PRR16: variants seen among roughly 807,000 people sequenced by gnomAD.
PRR16 encodes the protein proline rich 16, also known as protein Largen.
A neutral mutation model predicts 18.2 loss-of-function variants in PRR16; 6 were observed. That is an observed-to-expected ratio of 0.33 (90% CI 0.18 to 0.65). PRR16 has a LOEUF of 0.65. Among genes scored for constraint, PRR16 ranks in the 30% least tolerant of loss-of-function variants. The pLI is 0.74. For synonymous variants in PRR16, 151 were observed against 147.8 expected, an observed-to-expected ratio of 1.02 and a Z score of -0.16; for missense variants, 412 against 376.6, an observed-to-expected ratio of 1.09 and a Z score of -0.78.
At chr5:120,688,018 C>G (rs116330123), downstream of PRR16, among the ~76,000 whole-genome samples, 937 of 152,222 alleles carry the variant, frequency 6.2e-3, 20 homozygotes, top group African/African-American at 0.022. Flanking sequence ...AGGGAGTCAT[C>G]TTTTGTGGAA....
the PRR16 span, among the ~76,000 whole-genome samples, chr5:120,692,932 A>C: frequency 1.3e-5 from 2 of 152,342 alleles, no homozygotes; most frequent in East Asian, 3.9e-4. Flanking sequence ...AGAATTGCAT[A>C]CTAAATTTTC....
chr5:120,655,907 A>G (rs1211181798), intron 1 of PRR16, among the ~76,000 whole-genome samples: 2 of 151,872 alleles, frequency 1.3e-5, no homozygotes, highest in African/African-American at 2.4e-5. Context: ...ATGATAAGAC[A>G]GGTTCCAGCC....
At chr5:120,620,805 A>C (rs988287446) in intron 1 of PRR16, among the ~76,000 whole-genome samples, 1 of 152,016 alleles carries the variant, frequency 6.6e-6, no homozygotes, top group African/African-American at 2.4e-5. Context: ...CTTTTTGCTG[A>C]TCTCATCCAG....
the PRR16 span, among the ~76,000 whole-genome samples, chr5:120,702,045 A>G: frequency 6.6e-6 from 1 of 152,012 alleles, no homozygotes; most frequent in Non-Finnish European, 1.5e-5. Flanking sequence ...GGAGTAGAAG[A>G]AGGAATGGAG....
chr5:120,583,283 G>A (rs1463670407), intron 1 of PRR16, among the ~76,000 whole-genome samples: 1 of 151,720 alleles, frequency 6.6e-6, no homozygotes, highest in African/African-American at 2.4e-5. Flanking sequence ...AGGATTTTCA[G>A]TGTCACATTT....
chr5:120,750,623 C>T, the PRR16 span, among the ~76,000 whole-genome samples: 91 of 151,796 alleles, frequency 6.0e-4, no homozygotes, highest in Non-Finnish European at 5.2e-4. Context: ...GCTGAGATCT[C>T]GCCACTGCAC....
At chr5:120,743,831 C>A in the PRR16 span, among the ~76,000 whole-genome samples, 1 of 152,016 alleles carries the variant, frequency 6.6e-6, no homozygotes, top group South Asian at 2.1e-4. Context: ...TTGCTTTAAT[C>A]ACTTTATTTT....
chr5:120,583,179 A>AT (rs530573589), intron 1 of PRR16, among the ~76,000 whole-genome samples: 11 of 152,224 alleles, frequency 7.2e-5, no homozygotes, highest in Non-Finnish European at 1.5e-4. Flanking sequence ...CTCAGAAGTC[A>AT]TGTAACATTT....
chr5:120,621,260 T>A (rs1205198038), intron 1 of PRR16, among the ~76,000 whole-genome samples: 1 of 152,134 alleles, frequency 6.6e-6, no homozygotes, highest in Non-Finnish European at 1.5e-5. Context: ...ATAAAGGGAT[T>A]CATGCTATTC....
At chr5:120,667,826 G>A (rs1199225579) in intron 1 of PRR16, among the ~76,000 whole-genome samples, 1 of 152,074 alleles carries the variant, frequency 6.6e-6, no homozygotes, top group Non-Finnish European at 1.5e-5. Context: ...GAGACCGTTT[G>A]TTATAATCTC....
At chr5:120,712,674 AAAG>A in the PRR16 span, among the ~76,000 whole-genome samples, 2 of 152,218 alleles carry the variant, frequency 1.3e-5, no homozygotes, top group African/African-American at 4.8e-5. Flanking sequence ...ACATTTTTCC[AAAG>A]AAGACATACA....
At chr5:120,531,757 A>C (rs1243511520) in intron 1 of PRR16, among the ~76,000 whole-genome samples, 3 of 152,140 alleles carry the variant, frequency 2.0e-5, no homozygotes, top group Non-Finnish European at 4.4e-5. Flanking sequence ...AATCACAGAA[A>C]GGGAATATCT....
chr5:120,582,035 C>T (rs1358428463), intron 1 of PRR16, among the ~76,000 whole-genome samples: 1 of 152,070 alleles, frequency 6.6e-6, no homozygotes, highest in African/African-American at 2.4e-5. Flanking sequence ...ATTCACAATA[C>T]TGAAGTCATG....
the PRR16 span, among the ~76,000 whole-genome samples, chr5:120,783,975 T>C: frequency 6.6e-6 from 1 of 152,208 alleles, no homozygotes; most frequent in Non-Finnish European, 1.5e-5. Flanking sequence ...TTTGTCTTGC[T>C]GTGGCTGGCT....
chr5:120,775,624 T>C, the PRR16 span, among the ~76,000 whole-genome samples: 10 of 151,374 alleles, frequency 6.6e-5, no homozygotes, highest in African/African-American at 9.7e-5. Flanking sequence ...TTTCTCTTTT[T>C]CTTTCTCCTT....
intron 1 of PRR16, among the ~76,000 whole-genome samples, chr5:120,476,123 T>A (rs1245490720): frequency 6.6e-6 from 1 of 152,162 alleles, no homozygotes. Flanking sequence ...CTCTGCCAGT[T>A]CATTCTCTAA....
chr5:120,697,552 G>A, the PRR16 span, among the ~76,000 whole-genome samples: 35 of 152,040 alleles, frequency 2.3e-4, no homozygotes, highest in African/African-American at 6.5e-4. Flanking sequence ...ATTTTCATGC[G>A]CGTCCATGTG....
chr5:120,473,126 T>C (rs1375354506), intron 1 of PRR16, among the ~76,000 whole-genome samples: 1 of 152,168 alleles, frequency 6.6e-6, no homozygotes, highest in Non-Finnish European at 1.5e-5. Context: ...AAGTAACTAT[T>C]TTCTGTTTAC....
intron 1 of PRR16, among the ~76,000 whole-genome samples, chr5:120,581,854 A>C (rs1335903394): frequency 6.6e-6 from 1 of 152,100 alleles, no homozygotes; most frequent in African/African-American, 2.4e-5. Context: ...CTTGAGTTCT[A>C]ATATGATTTC....
Sources: gnomAD v4.1 joint callset for allele counts (sites outside exome capture counted in the v4.1 genomes callset) on GRCh38, gnomAD v4.1.1 for gene constraint, MANE v1.5 for transcripts, NCBI Gene and HGNC (gene_info 2026-07-23, HGNC 2026-07-21) for gene names.